Variants in SIRPB1 observed in about 807,000 individuals in gnomAD.
SIRPB1 encodes the protein signal regulatory protein beta 1.
Under a neutral mutation model 34.1 loss-of-function variants are expected in SIRPB1, and 28 were observed. The observed-to-expected ratio is 0.82, with a 90% CI of 0.61 to 1.12. SIRPB1 has a LOEUF of 1.12. Among genes scored for constraint, SIRPB1 ranks in the 50% most tolerant of loss-of-function variants. The pLI, the probability that SIRPB1 is intolerant of heterozygous loss-of-function variation, is 0.00. For synonymous variants in SIRPB1, 211 were observed against 203.8 expected, an observed-to-expected ratio of 1.04 and a Z score of -0.30; for missense variants, 499 against 507.0, an observed-to-expected ratio of 0.98 and a Z score of 0.15.
intron 4 of SIRPB1, among the ~76,000 whole-genome samples, chr20:1,566,594 T>C (rs1365127732): frequency 6.6e-6 from 1 of 152,156 alleles, no homozygotes; most frequent in South Asian, 2.1e-4. Flanking sequence ...TATTATTCCA[T>C]TCTGATGGGG....
chr20:1,565,610 C>A (rs148842400), intron 5 of SIRPB1, 113 bp from the exon 6 acceptor site: 1 of 91,702 alleles, frequency 1.1e-5, no homozygotes, highest in East Asian at 8.2e-4. Context: ...TAGTGCTGGT[C>A]TCCTCTTGGG....
In SIRPB1 at chr20:1,572,148, T is replaced by C; in HGVS notation, c.434-111A>G. 3 of 1,526,006 alleles carry C rather than the reference T, an allele frequency of 2.0e-6. No individual in the cohort carries two copies. The Admixed American group carries it at 5.7e-5, about 29-fold the overall frequency. 94.5% of individuals were successfully genotyped at this position (1,526,006 alleles called of 1,614,324 possible). On this transcript the variant is annotated intron_variant, in intron 2 of 5. Coordinates refer to ENST00000381605, the MANE Select transcript of SIRPB1 (RefSeq NM_006065.5). ...AGACGTTAGTTTTTAATCTTTCTAA[T>C]AATGTCGTGAAGGCAGTGTCCTTAT...
Position 1,586,835 on chromosome 20 carries a change from C to T in SIRPB1, c.77-8141G>A, listed in dbSNP as rs1277623216. Among the ~76,000 whole-genome samples, 2 of 49,276 alleles carry T rather than the reference C, an allele frequency of 4.1e-5. 1 individual carries two copies. Among genetic ancestry groups the T allele is most frequent in the African/African-American group, 2.7e-4 (2 of 7,462 alleles). The allele number at this position is 49,276 out of a possible 152,430, so 32.3% of individuals were successfully genotyped here. ...CAAAAAGATTGGGGACCACTGCACA[C>T]GTGTGTGTGCGTGTGTGTGTACACA... On this transcript the variant is annotated intron_variant, in intron 1 of 5. Coordinates refer to ENST00000381605, the MANE Select transcript of SIRPB1 (RefSeq NM_006065.5).
At chr20:1,572,090 A>G (rs1402123835) in intron 2 of SIRPB1, 53 bp from the exon 3 acceptor site, 6 of 1,611,524 alleles carry the variant, frequency 3.7e-6, no homozygotes, top group Non-Finnish European at 5.1e-6. Context: ...ACCATCACTG[A>G]TGATAAGCGT....
rs183335025 is a variant in SIRPB1, at chr20:1,567,975, C to T, written c.1085-1708G>A. Reference sequence around the variant, plus strand: ...TCATAGAAGAGTAGCAGAATCACAGCGGAGCATGAATCTCAGTTTCAATGG... The same window carrying T: ...TCATAGAAGAGTAGCAGAATCACAGTGGAGCATGAATCTCAGTTTCAATGG... On this transcript the variant is annotated intron_variant, in intron 4 of 5. Coordinates refer to ENST00000381605, the MANE Select transcript of SIRPB1 (RefSeq NM_006065.5). 6.6e-5 allele frequency among the ~76,000 whole-genome samples: 10 copies of T among 152,248 alleles called. No individual in the cohort carries two copies. The South Asian group carries it at 1.4e-3, about 22-fold the overall frequency.
At chr20:1,615,862 T>C (rs1017948171) in intron 1 of SIRPB1, among the ~76,000 whole-genome samples, 1 of 152,234 alleles carries the variant, frequency 6.6e-6, no homozygotes, top group African/African-American at 2.4e-5. Flanking sequence ...TTATTTTCCC[T>C]TATCAGTGGC....
At chr20:1,565,874 C>T (rs961032157) in intron 5 of SIRPB1, among the ~76,000 whole-genome samples, 10 of 152,162 alleles carry the variant, frequency 6.6e-5, no homozygotes, top group Admixed American at 6.5e-4. Flanking sequence ...CCTCTGTCCA[C>T]CTTTTCCATG....
chr20:1,567,612 C>T (rs538799697), intron 4 of SIRPB1, among the ~76,000 whole-genome samples: 1 of 152,198 alleles, frequency 6.6e-6, no homozygotes, highest in Non-Finnish European at 1.5e-5. Flanking sequence ...GCAATGAGGA[C>T]CCCAGGGCTG....
Position 1,572,004 on chromosome 20 carries a change from G to T in SIRPB1, c.467C>A (p.Ala156Glu), listed in dbSNP as rs373681327. ...TGTGTGCTCAGGTGTGGCCCTCACCGCAGGGCCCGATACCACGGGGGCAGA... is the reference window on the plus strand; with the variant it reads ...TGTGTGCTCAGGTGTGGCCCTCACCTCAGGGCCCGATACCACGGGGGCAGA... ...KPSAPVVSGP[A>E]VRATPEHTVS... Residue 156 changes from alanine to glutamate, a missense_variant, in exon 3 of 6, where the codon GCG (alanine) becomes GAG (glutamate). By Grantham distance (107) the Ala-to-Glu change is moderately radical. Transcript: ENST00000381605. 8.7e-6 allele frequency: 14 copies of T among 1,614,036 alleles called. No individual in the cohort carries two copies. Among genetic ancestry groups the T allele is most frequent in the Non-Finnish European group, 1.2e-5 (14 of 1,179,968 alleles).
chr20:1,607,530 T>G (rs2091518854), intron 1 of SIRPB1, among the ~76,000 whole-genome samples: 1 of 8,744 alleles, frequency 1.1e-4, no homozygotes, highest in Non-Finnish European at 1.9e-4. Context: ...TAAATTGGCA[T>G]TTTAGGGGGG....
intron 1 of SIRPB1, among the ~76,000 whole-genome samples, chr20:1,616,654 A>T (rs886762992): frequency 6.6e-6 from 1 of 152,218 alleles, no homozygotes; most frequent in Non-Finnish European, 1.5e-5. Flanking sequence ...GAATTTTCAG[A>T]TATGAGTCCC....
chr20:1,571,746 GT>G lies in SIRPB1; in HGVS notation c.724del (p.Thr242LeufsTer21). On this transcript the variant is annotated frameshift_variant, in exon 3 of 6. Coordinates refer to ENST00000381605, the MANE Select transcript of SIRPB1 (RefSeq NM_006065.5). LOFTEE classifies it high-confidence loss of function. ...ITLQGDPLRG[T>X]ANLSEAIRVP... is the part of the protein sequence containing the mutation. ...TCGGATGGCCTCAGACAAGTTGGCA[GT>G]CCCACGAAGAGGGTCCCCCTGCAAG... 1 of 1,614,226 alleles carries G rather than the reference GT, an allele frequency of 6.2e-7. No individual in the cohort carries two copies. The highest frequency in any genetic ancestry group is 8.5e-7 in the Non-Finnish European group (1 of 1,180,034).
rs1342920750 is a variant in SIRPB1 at position 1,593,700 on chromosome 20, T to C, written c.77-15006A>G. 4.1e-5 allele frequency among the ~76,000 whole-genome samples: 2 copies of C among 48,788 alleles called. 1 individual carries two copies. The allele number at this position is 48,788 out of a possible 152,430, so 32.0% of individuals were successfully genotyped here. A position where few individuals can be genotyped will look rare whatever the true frequency, so the allele number is the denominator to read the frequency against. ...AGTGATAACTTTAAAGGTACAAAAC[T>C]TTATATTTGTATAAGAGTCTACTGT... On this transcript the variant is annotated intron_variant, in intron 1 of 5. Transcript: ENST00000381605.
rs555680872 is a variant in SIRPB1, at chr20:1,578,311, G to T, written c.433+27C>A. ...ATTGAGTTATTGTCACACACCAGGG[G>T]ACAAAGGAGGCCCACGCTGTACTCA... On this transcript the variant is annotated intron_variant, in intron 2 of 5. Transcript: ENST00000381605. The T allele has an allele frequency of 6.0e-5, 94 of 1,563,580 alleles. 9 individuals carry two copies. Among genetic ancestry groups the T allele is most frequent in the Non-Finnish European group, 7.9e-5 (90 of 1,138,746 alleles).
chr20:1,614,897 C>T (rs1367375086), intron 1 of SIRPB1, among the ~76,000 whole-genome samples: 1 of 152,120 alleles, frequency 6.6e-6, no homozygotes, highest in Non-Finnish European at 1.5e-5. Context: ...ATGCTATGTA[C>T]AGCTTTGTGT....
intron 2 of SIRPB1, among the ~76,000 whole-genome samples, chr20:1,576,339 A>G (rs1376967196): frequency 1.4e-5 from 2 of 147,848 alleles, no homozygotes; most frequent in African/African-American, 4.9e-5. Context: ...TGAAAGCATC[A>G]TGTTTTAGGC....
rs1270232515 is a variant in SIRPB1, at chr20:1,610,572, T to A, written c.76+9297A>T. On this transcript the variant is annotated intron_variant, in intron 1 of 5. Coordinates refer to ENST00000381605, the MANE Select transcript of SIRPB1 (RefSeq NM_006065.5). Reference sequence around the variant, plus strand: ...TATGGGAAACCCCTAAGTCACCCACTTGTGGGACCTCTTTCCTGAGGTGAG... The same window carrying A: ...TATGGGAAACCCCTAAGTCACCCACATGTGGGACCTCTTTCCTGAGGTGAG... Among the ~76,000 whole-genome samples, 3 of 72,286 alleles carry A rather than the reference T, an allele frequency of 4.2e-5. 1 individual carries two copies. Among genetic ancestry groups the A allele is most frequent in the Non-Finnish European group, 7.8e-5 (3 of 38,504 alleles). The allele number at this position is 72,286 out of a possible 152,430, so 47.4% of individuals were successfully genotyped here. A position where few individuals can be genotyped will look rare whatever the true frequency, so the allele number is the denominator to read the frequency against.
chr20:1,563,108 G>A lies in SIRPB1; in HGVS notation c.*2392C>T, dbSNP rs2091093272. 6.6e-6 allele frequency among the ~76,000 whole-genome samples: 1 copy of A among 152,162 alleles called. No individual in the cohort carries two copies. Among genetic ancestry groups the A allele is most frequent in the Non-Finnish European group, 1.5e-5 (1 of 68,020 alleles). ...AAACTTCACATGAAAGGATCTTCTG[G>A]AGTGATTCCACAATATTGAAAATTC... On this transcript the variant is annotated 3_prime_UTR_variant, in exon 6 of 6. Coordinates refer to ENST00000381605, the MANE Select transcript of SIRPB1 (RefSeq NM_006065.5).
In SIRPB1 at chr20:1,564,344, ATGCC is replaced by A. The variant is rs1447901404; in HGVS notation, c.*1152_*1155del. ...ATTAATTAGGATAAGAGAAATTAGA[ATGCC>A]GGGATAGAGAAAATAAATAATATTT... On this transcript the variant is annotated 3_prime_UTR_variant, in exon 6 of 6. Transcript: ENST00000381605. 2 of 152,234 alleles carry A rather than the reference ATGCC, an allele frequency of 1.3e-5. No homozygotes were observed. Among genetic ancestry groups the A allele is most frequent in the Non-Finnish European group, 2.9e-5 (2 of 68,052 alleles). The allele number at this position is 152,234 out of a possible 1,614,324, so 9.4% of individuals were successfully genotyped here. A position where few individuals can be genotyped will look rare whatever the true frequency, so the allele number is the denominator to read the frequency against.
Sources: gnomAD v4.1 joint callset for allele counts (sites outside exome capture counted in the v4.1 genomes callset) on GRCh38, gnomAD v4.1.1 for gene constraint, MANE v1.5 for transcripts, NCBI Gene and HGNC (gene_info 2026-07-23, HGNC 2026-07-21) for gene names.